The following CRACDL variants were observed in gnomAD, a reference collection of about 807,000 sequenced individuals.
CRACDL encodes the protein CRACD like, also known as CRACD-like protein.
In CRACDL, 26 loss-of-function variants were observed where a neutral mutation model predicts 70.6. The ratio of observed to expected loss-of-function variants is 0.37; its 90% CI spans 0.27 to 0.51. The LOEUF (loss-of-function observed/expected upper bound fraction) is 0.51. Ranked by LOEUF, CRACDL falls within the 20% of genes least tolerant of loss-of-function variation. The pLI is 0.94. For synonymous variants in CRACDL, 618 were observed against 615.2 expected, an observed-to-expected ratio of 1.00 and a Z score of -0.07; for missense variants, 1,283 against 1,376.9, an observed-to-expected ratio of 0.93 and a Z score of 1.08.
chr2:98,901,611 G>A (rs1286154018), intron 1 of CRACDL, among the ~76,000 whole-genome samples: 1 of 152,190 alleles, frequency 6.6e-6, no homozygotes, highest in Admixed American at 6.5e-5. Context: ...AGACCACAGG[G>A]CCTGCAGTTC....
chr2:98,851,286 C>T (rs960593777), intron 1 of CRACDL, among the ~76,000 whole-genome samples: 2 of 152,166 alleles, frequency 1.3e-5, no homozygotes, highest in African/African-American at 4.8e-5. Flanking sequence ...GTACCCAGGA[C>T]AGTGCCCGAC....
At chr2:98,804,480 A>G (rs1371186901) in intron 7 of CRACDL, among the ~76,000 whole-genome samples, 1 of 152,230 alleles carries the variant, frequency 6.6e-6, no homozygotes, top group Non-Finnish European at 1.5e-5. Context: ...GCAAGTTCCC[A>G]GCTGAGGTCA....
chr2:98,838,885 C>T (rs767509901), intron 2 of CRACDL, among the ~76,000 whole-genome samples: 5 of 152,096 alleles, frequency 3.3e-5, no homozygotes, highest in African/African-American at 4.8e-5. Context: ...TGCCATGCTT[C>T]CTGGATTATT....
chr2:98,822,613 T>C lies in CRACDL; in HGVS notation c.1660A>G (p.Arg554Gly). The part of the protein sequence containing the change: ...RAEAPPAGAE[R>G]AAPERKAERG... ...TCCGCCTTCCGCTCTGGCGCCGCCC[T>C]CTCGGCGCCCGCCGGTGGCGCCTCG... is the stretch of plus-strand genomic sequence containing the variant. Residue 554 changes from arginine (R) to glycine (G), a missense_variant, in exon 7 of 10, where the codon AGG (arginine) becomes GGG (glycine). Physicochemically the swap from Arg to Gly is moderately radical, Grantham distance 125 (BLOSUM62 -2). Transcript: ENST00000397899. The surrounding 1 kb of genome is among the most constrained non-coding windows in gnomAD (Gnocchi z 4.9). 3 of 1,376,506 alleles carry C rather than the reference T, an allele frequency of 2.2e-6. No homozygotes were observed. Among genetic ancestry groups the C allele is most frequent in the South Asian group, 3.3e-5 (2 of 60,206 alleles). 85.3% of individuals were successfully genotyped at this position (1,376,506 alleles called of 1,614,324 possible). A position where few individuals can be genotyped will look rare whatever the true frequency, so the allele number is the denominator to read the frequency against.
At position 98,822,558 on chromosome 2, in the gene CRACDL, T is replaced by C. The variant is rs780071912; in HGVS notation, c.1715A>G (p.Lys572Arg). The C allele has an allele frequency of 6.1e-6, 9 of 1,466,062 alleles. No homozygotes were observed. The highest frequency in any genetic ancestry group is 8.1e-6 in the Non-Finnish European group (9 of 1,116,760). The allele number at this position is 1,466,062 out of a possible 1,614,324, so 90.8% of individuals were successfully genotyped here. Residue 572 changes from lysine to arginine, a missense_variant, in exon 7 of 10, where the codon AAG becomes AGG. Transcript: ENST00000397899. The surrounding 1 kb of genome is among the most constrained non-coding windows in gnomAD (Gnocchi z 4.9). ...ERGGAELRGAKKFSVSSCRAR... is the reference protein window; with the variant it reads ...ERGGAELRGARKFSVSSCRAR... ...TCGGCACGAGGACACCGAGAACTTC[T>C]TCGCGCCTCGCAGCTCGGCACCGCC...
chr2:98,933,120 G>A (rs1338093865), intron 1 of CRACDL, among the ~76,000 whole-genome samples: 1 of 152,176 alleles, frequency 6.6e-6, no homozygotes, highest in African/African-American at 2.4e-5. Context: ...CAGAGCATGG[G>A]GACCTCTGGG....
At chr2:98,801,215 T>A (rs1704061769) in intron 7 of CRACDL, among the ~76,000 whole-genome samples, 2 of 152,240 alleles carry the variant, frequency 1.3e-5, no homozygotes, top group Non-Finnish European at 2.9e-5. Flanking sequence ...CTCTAGGCCC[T>A]GTTACAGGGA....
intron 1 of CRACDL, among the ~76,000 whole-genome samples, chr2:98,902,886 A>G (rs1266470497): frequency 1.3e-5 from 2 of 152,108 alleles, no homozygotes; most frequent in Non-Finnish European, 2.9e-5. Flanking sequence ...CCCCACATTT[A>G]CTACCTCTAC....
intron 1 of CRACDL, among the ~76,000 whole-genome samples, chr2:98,875,179 G>T (rs1297284087): frequency 6.6e-6 from 1 of 152,218 alleles, no homozygotes; most frequent in Admixed American, 6.5e-5. Context: ...TCAGGGGCAG[G>T]CACGGCCCCC....
chr2:98,908,932 A>G (rs1174978449), intron 1 of CRACDL, among the ~76,000 whole-genome samples: 2 of 152,186 alleles, frequency 1.3e-5, no homozygotes, highest in Non-Finnish European at 2.9e-5. Context: ...TTGCACAGCC[A>G]GAATAATCCT....
At chr2:98,842,868 T>TGTGTGTG (rs1706091995) in intron 2 of CRACDL, among the ~76,000 whole-genome samples, 1 of 144,968 alleles carries the variant, frequency 6.9e-6, no homozygotes, top group African/African-American at 2.5e-5. Context: ...TTGCTATAGT[T>TGTGTGTG]TGTGTGTGTG....
Position 98,868,935 on chromosome 2 carries a change from A to T in CRACDL, c.-10-22125T>A, listed in dbSNP as rs1425993407. On this transcript the variant is annotated intron_variant, in intron 1 of 9. Coordinates refer to ENST00000397899, the MANE Select transcript of CRACDL (RefSeq NM_207362.3). ...TCTGTTAAGTAAGGAGGTCACAAAC[A>T]TTCTAGAACATAAGGTAACAGACGC... 7 of 376,432 alleles carry T rather than the reference A, an allele frequency of 1.9e-5. No individual in the cohort carries two copies. In the East Asian group the frequency reaches 5.5e-4, roughly 29 times the overall value. The allele number at this position is 376,432 out of a possible 1,614,324, so 23.3% of individuals were successfully genotyped here. A position where few individuals can be genotyped will look rare whatever the true frequency, so the allele number is the denominator to read the frequency against.
At chr2:98,826,843 G>C (rs1007780477) in intron 6 of CRACDL, 132 bp downstream of exon 6, 1 of 607,590 alleles carries the variant, frequency 1.6e-6, no homozygotes, top group South Asian at 2.0e-5. Flanking sequence ...CTGCAGCATG[G>C]CTCCATCAAC....
At chr2:98,904,586 A>C (rs1708358261) in intron 1 of CRACDL, among the ~76,000 whole-genome samples, 1 of 152,218 alleles carries the variant, frequency 6.6e-6, no homozygotes, top group Non-Finnish European at 1.5e-5. Flanking sequence ...TCCAGGTGAC[A>C]ATGGACCCAT....
intron 1 of CRACDL, among the ~76,000 whole-genome samples, chr2:98,912,461 C>T (rs749724900): frequency 5.3e-5 from 8 of 152,330 alleles, no homozygotes; most frequent in Middle Eastern, 6.8e-3. Flanking sequence ...TGTTTGTCTC[C>T]GGCAGGCGGG....
chr2:98,901,037 G>A (rs759770305), intron 1 of CRACDL, among the ~76,000 whole-genome samples: 5 of 152,214 alleles, frequency 3.3e-5, no homozygotes, highest in Non-Finnish European at 5.9e-5. Context: ...GCAAGCAATG[G>A]GGTTGGCGCA....
At chr2:98,855,381 T>A (rs1287865655) in intron 1 of CRACDL, among the ~76,000 whole-genome samples, 1 of 152,138 alleles carries the variant, frequency 6.6e-6, no homozygotes, top group Non-Finnish European at 1.5e-5. Context: ...TATAGATATA[T>A]ATGTTCTTTA....
intron 1 of CRACDL, among the ~76,000 whole-genome samples, chr2:98,860,451 G>A (rs1300199052): frequency 2.0e-5 from 3 of 152,198 alleles, no homozygotes; most frequent in African/African-American, 7.2e-5. Context: ...TAGACATATA[G>A]TTCAACAGAA....
At chr2:98,889,003 C>A (rs1389975350) in intron 1 of CRACDL, among the ~76,000 whole-genome samples, 1 of 151,616 alleles carries the variant, frequency 6.6e-6, no homozygotes, top group Non-Finnish European at 1.5e-5. Flanking sequence ...TGGTATGCAC[C>A]TATAGTCCCA....
Sources: allele counts gnomAD v4.1 joint callset (sites outside exome capture counted in the v4.1 genomes callset), GRCh38; gene constraint gnomAD v4.1.1; non-coding constraint Gnocchi (gnomAD v3.1); transcripts MANE v1.5; gene names NCBI Gene and HGNC (gene_info 2026-07-23, HGNC 2026-07-21).